The following PHACTR1 variants were observed in gnomAD, a reference collection of about 807,000 sequenced individuals.
PHACTR1 encodes the protein phosphatase and actin regulator 1.
PHACTR1 carries 16 observed loss-of-function variants against 69.2 expected under a neutral mutation model. That is an observed-to-expected ratio of 0.23 (90% CI 0.16 to 0.35). The LOEUF is 0.35. Among genes scored for constraint, PHACTR1 ranks in the 10% least tolerant of loss-of-function variants. The pLI, the probability that PHACTR1 is intolerant of heterozygous loss-of-function variation, is 1.00. For missense variants in PHACTR1, 510 were observed against 734.7 expected (o/e 0.69, Z 3.54); for synonymous variants, 312 against 284.5 (o/e 1.10, Z -0.97).
At chr6:13,201,042 CTGA>C (rs1765168215) in intron 7 of PHACTR1, among the ~76,000 whole-genome samples, 1 of 152,116 alleles carries the variant, frequency 6.6e-6, no homozygotes, top group Non-Finnish European at 1.5e-5. Flanking sequence ...CATTGTGATT[CTGA>C]TGCACCCCCA....
At chr6:13,046,107 A>G (rs1488835094) in intron 4 of PHACTR1, among the ~76,000 whole-genome samples, 1 of 152,164 alleles carries the variant, frequency 6.6e-6, no homozygotes, top group African/African-American at 2.4e-5. Context: ...CCAGAGATGT[A>G]GTGGGGAAGA....
Position 13,241,207 on chromosome 6 carries a change from G to A in PHACTR1, c.1391+11014G>A, listed in dbSNP as rs140175374. On this transcript the variant is annotated intron_variant, in intron 10 of 14. Coordinates refer to ENST00000332995, the MANE Select transcript of PHACTR1 (RefSeq NM_030948.6). Reference sequence around the variant, plus strand: ...AAGGCATGGAATGAAGAAGAGGAAAGGAGATGTTCTTCTATCTCGGGCTTA... The same window carrying A: ...AAGGCATGGAATGAAGAAGAGGAAAAGAGATGTTCTTCTATCTCGGGCTTA... 1.4e-3 allele frequency among the ~76,000 whole-genome samples: 214 copies of A among 152,284 alleles called. 4 individuals are homozygous for A. The highest frequency in any genetic ancestry group is 0.014 in the Admixed American group (214 of 15,296).
chr6:13,242,035 CAAA>C (rs747990237), intron 10 of PHACTR1, among the ~76,000 whole-genome samples: 6 of 58,592 alleles, frequency 1.0e-4, no homozygotes, highest in Admixed American at 2.0e-4. Context: ...GATTCTGTCT[CAAA>C]AAAAAAAAAA....
At chr6:13,115,755 A>G (rs1817722665) in intron 5 of PHACTR1, among the ~76,000 whole-genome samples, 1 of 152,208 alleles carries the variant, frequency 6.6e-6, no homozygotes, top group Admixed American at 6.5e-5. Context: ...TGAGCACTGC[A>G]TGCTTGAGAA....
chr6:13,036,279 G>A (rs1374950831), intron 4 of PHACTR1, among the ~76,000 whole-genome samples: 1 of 152,184 alleles, frequency 6.6e-6, no homozygotes, highest in Non-Finnish European at 1.5e-5. Flanking sequence ...AGATAGGCAA[G>A]TAAGCCATTC....
chr6:12,850,097 G>A (rs924200472), intron 4 of PHACTR1, among the ~76,000 whole-genome samples: 16 of 152,314 alleles, frequency 1.1e-4, no homozygotes, highest in Admixed American at 4.6e-4. Flanking sequence ...TGCATGGACT[G>A]AAACTTGGAA....
At chr6:12,722,758 G>A (rs1762284092) in intron 3 of PHACTR1, among the ~76,000 whole-genome samples, 1 of 152,160 alleles carries the variant, frequency 6.6e-6, no homozygotes. Flanking sequence ...ATGATGTGTT[G>A]CAGAGAGCAG....
chr6:12,907,506 G>A (rs1253651170), intron 4 of PHACTR1, among the ~76,000 whole-genome samples: 1 of 152,180 alleles, frequency 6.6e-6, no homozygotes, highest in Non-Finnish European at 1.5e-5. Context: ...AACTACTTGT[G>A]GAGGTCATTT....
intron 4 of PHACTR1, among the ~76,000 whole-genome samples, chr6:12,951,242 C>T (rs535223277): frequency 7.6e-4 from 115 of 152,308 alleles, no homozygotes; most frequent in Non-Finnish European, 1.4e-3. Flanking sequence ...TGAAACTGTC[C>T]GCTTTGCTCA....
rs1775751172 is a variant in PHACTR1, at chr6:12,817,779, T to C, written c.250+67989T>C. Among the ~76,000 whole-genome samples, 3 of 152,172 alleles carry C rather than the reference T, an allele frequency of 2.0e-5. 1 individual carries two copies. The South Asian group carries it at 6.2e-4, about 32-fold the overall frequency. On this transcript the variant is annotated intron_variant, in intron 4 of 14. Transcript: ENST00000332995. The stretch of plus-strand genomic sequence containing the variant: ...TCTATTAGTAAGGTAAACTATATAT[T>C]GTGGAAGATCACTACCAATTAAAGG...
intron 4 of PHACTR1, among the ~76,000 whole-genome samples, chr6:12,818,138 T>G (rs1239044085): frequency 6.6e-6 from 1 of 152,174 alleles, no homozygotes; most frequent in African/African-American, 2.4e-5. Flanking sequence ...TTGTAATTTT[T>G]AGGGGAGCCA....
chr6:13,079,532 A>G (rs1264644347), intron 5 of PHACTR1, among the ~76,000 whole-genome samples: 3 of 152,026 alleles, frequency 2.0e-5, no homozygotes, highest in Non-Finnish European at 4.4e-5. Flanking sequence ...TCCTCTCGCT[A>G]CAGGAGACAC....
intron 4 of PHACTR1, among the ~76,000 whole-genome samples, chr6:12,751,813 A>G (rs576941345): frequency 6.6e-6 from 1 of 152,236 alleles, no homozygotes; most frequent in African/African-American, 2.4e-5. Context: ...GAAAGACACC[A>G]GTAAGAGAGA....
intron 4 of PHACTR1, among the ~76,000 whole-genome samples, chr6:12,911,717 C>T (rs1786414923): frequency 6.6e-6 from 1 of 152,130 alleles, no homozygotes; most frequent in African/African-American, 2.4e-5. Flanking sequence ...AAACCAGCAG[C>T]CTTTGCAGTT....
chr6:13,099,544 C>T (rs142994733), intron 5 of PHACTR1, among the ~76,000 whole-genome samples: 2 of 152,302 alleles, frequency 1.3e-5, no homozygotes, highest in East Asian at 3.9e-4. Context: ...TAGAGTGTTC[C>T]TGTTTTCATC....
At chr6:12,844,854 G>A (rs1439394768) in intron 4 of PHACTR1, among the ~76,000 whole-genome samples, 3 of 152,112 alleles carry the variant, frequency 2.0e-5, no homozygotes, top group African/African-American at 4.8e-5. Flanking sequence ...AAAGCAATCC[G>A]TGGGCCTAGA....
chr6:13,012,888 G>C (rs1010378225), intron 4 of PHACTR1, among the ~76,000 whole-genome samples: 3 of 152,150 alleles, frequency 2.0e-5, no homozygotes, highest in Non-Finnish European at 4.4e-5. Flanking sequence ...GATTTGTTCT[G>C]CATGGTTTGT....
intron 8 of PHACTR1, among the ~76,000 whole-genome samples, chr6:13,214,587 C>A (rs906549430): frequency 6.6e-6 from 1 of 152,148 alleles, no homozygotes; most frequent in Non-Finnish European, 1.5e-5. Context: ...ATCCAGTGTC[C>A]TTAGACTAAA....
intron 4 of PHACTR1, among the ~76,000 whole-genome samples, chr6:13,044,118 A>G (rs144976765): frequency 6.6e-6 from 1 of 152,198 alleles, no homozygotes; most frequent in African/African-American, 2.4e-5. Flanking sequence ...AAATTTTATA[A>G]TTTTAAATTT....
Sources: allele counts gnomAD v4.1 joint callset (sites outside exome capture counted in the v4.1 genomes callset), GRCh38; gene constraint gnomAD v4.1.1; transcripts MANE v1.5; gene names NCBI Gene and HGNC (gene_info 2026-07-23, HGNC 2026-07-21).